Variants in MDGA2 observed in about 807,000 individuals in gnomAD.
MDGA2 encodes the protein MAM domain containing glycosylphosphatidylinositol anchor 2, also known as MAM domain-containing glycosylphosphatidylinositol anchor protein 2.
A neutral mutation model predicts 117.8 loss-of-function variants in MDGA2; 40 were observed. The observed-to-expected ratio is 0.34, with a 90% CI of 0.26 to 0.44. The LOEUF (loss-of-function observed/expected upper bound fraction) is 0.44, where lower values mean the gene tolerates loss of function less well. Ranked by LOEUF, MDGA2 falls within the 20% of genes least tolerant of loss-of-function variation. The probability of loss-of-function intolerance (pLI) is 1.00; values close to 1 mark genes in which losing one functional copy is unlikely to be tolerated. For missense variants in MDGA2, 1,123 were observed against 1,250.6 expected, an observed-to-expected ratio of 0.90 and a Z score of 1.54; for synonymous variants, 452 against 439.0, an observed-to-expected ratio of 1.03 and a Z score of -0.37.
intron 10 of MDGA2, among the ~76,000 whole-genome samples, chr14:46,898,807 C>T (rs1333738855): frequency 6.6e-6 from 1 of 151,932 alleles, no homozygotes. Flanking sequence ...AGACAACTGA[C>T]TAAGAACAAA....
intron 1 of MDGA2, among the ~76,000 whole-genome samples, chr14:47,436,961 C>T (rs949526552): frequency 5.9e-5 from 9 of 152,146 alleles, no homozygotes; most frequent in Admixed American, 6.5e-5. Context: ...CGTATACCTA[C>T]CACAGTACTT....
At chr14:47,629,165 T>C (rs1255463300) in intron 1 of MDGA2, among the ~76,000 whole-genome samples, 3 of 152,214 alleles carry the variant, frequency 2.0e-5, no homozygotes, top group Non-Finnish European at 4.4e-5. Context: ...TAGGGTTGTA[T>C]GTGAATAAAA....
At chr14:47,066,190 G>T (rs1362054739) in intron 6 of MDGA2, among the ~76,000 whole-genome samples, 2 of 152,136 alleles carry the variant, frequency 1.3e-5, no homozygotes, top group African/African-American at 2.4e-5. Context: ...TGAACACCTG[G>T]GGTTGGAGTG....
intron 14 of MDGA2, among the ~76,000 whole-genome samples, chr14:46,862,412 T>C (rs1364783608): frequency 6.7e-6 from 1 of 148,656 alleles, no homozygotes; most frequent in Non-Finnish European, 1.5e-5. Context: ...TATTATTTAA[T>C]ATATATTATA....
intron 1 of MDGA2, among the ~76,000 whole-genome samples, chr14:47,463,304 C>T (rs897149152): frequency 1.3e-5 from 2 of 152,226 alleles, no homozygotes; most frequent in East Asian, 1.9e-4. Flanking sequence ...TGCACCCAAA[C>T]ATATAGTGCA....
chr14:47,182,464 G>A (rs1157702404), intron 3 of MDGA2, among the ~76,000 whole-genome samples: 2 of 152,120 alleles, frequency 1.3e-5, no homozygotes, highest in Non-Finnish European at 2.9e-5. Flanking sequence ...GACACTAGGA[G>A]TGTGTGCACA....
At chr14:47,069,450 A>G (rs1166505131) in intron 6 of MDGA2, among the ~76,000 whole-genome samples, 2 of 152,200 alleles carry the variant, frequency 1.3e-5, no homozygotes, top group Non-Finnish European at 2.9e-5. Context: ...TTTGAGTTCT[A>G]TCATTTGAAC....
chr14:47,351,247 A>G (rs1392319106), intron 1 of MDGA2, among the ~76,000 whole-genome samples: 1 of 151,598 alleles, frequency 6.6e-6, no homozygotes, highest in Non-Finnish European at 1.5e-5. Context: ...ATGCCCCGCT[A>G]ATTTTTATAT....
chr14:47,032,920 A>G (rs1888713805), intron 8 of MDGA2, among the ~76,000 whole-genome samples: 1 of 152,208 alleles, frequency 6.6e-6, no homozygotes, highest in African/African-American at 2.4e-5. Context: ...CTTCCTGGGC[A>G]GGCCAGGGAA....
chr14:47,577,706 T>G (rs1321800546), intron 1 of MDGA2, among the ~76,000 whole-genome samples: 1 of 152,158 alleles, frequency 6.6e-6, no homozygotes, highest in Non-Finnish European at 1.5e-5. Flanking sequence ...CACTGATCAT[T>G]AGAGAAATGC....
chr14:46,894,748 C>T (rs1883012814), intron 10 of MDGA2, among the ~76,000 whole-genome samples: 1 of 152,056 alleles, frequency 6.6e-6, no homozygotes, highest in African/African-American at 2.4e-5. Context: ...TTTATTACTC[C>T]CATCTGTTAA....
At chr14:47,567,156 C>T (rs1317815816) in intron 1 of MDGA2, among the ~76,000 whole-genome samples, 2 of 152,014 alleles carry the variant, frequency 1.3e-5, no homozygotes, top group African/African-American at 2.4e-5. Context: ...CCACCTCAGC[C>T]TCCCAAAGTG....
intron 1 of MDGA2, among the ~76,000 whole-genome samples, chr14:47,619,582 A>G (rs953873191): frequency 1.3e-5 from 2 of 152,188 alleles, no homozygotes; most frequent in Admixed American, 1.3e-4. Flanking sequence ...TCGGATGGCA[A>G]ACATGGAATC....
intron 1 of MDGA2, among the ~76,000 whole-genome samples, chr14:47,383,583 G>A (rs1268823070): frequency 6.6e-6 from 1 of 152,096 alleles, no homozygotes; most frequent in Admixed American, 6.5e-5. Context: ...TTCTCGCCCA[G>A]GCTGGAGTGC....
At chr14:47,165,516 G>A (rs1256194363) in intron 3 of MDGA2, among the ~76,000 whole-genome samples, 5 of 152,148 alleles carry the variant, frequency 3.3e-5, no homozygotes, top group Non-Finnish European at 5.9e-5. Flanking sequence ...CTGTAGAGGT[G>A]ATGATAGAAG....
In MDGA2 at chr14:47,116,286, A is replaced by T. The variant is rs541829438; in HGVS notation, c.925+15428T>A. ...ACAGGGCACAAACAAATGAAAAGAC[A>T]TCACATTTTATGGATTGGAAGACTT... is the stretch of plus-strand genomic sequence containing the variant. On this transcript the variant is annotated intron_variant, in intron 5 of 16. Coordinates refer to ENST00000399232, the MANE Select transcript of MDGA2 (RefSeq NM_001113498.3). Among the ~76,000 whole-genome samples the T allele has an allele frequency of 2.6e-5, 4 of 152,246 alleles. No individual in the cohort carries two copies. In the South Asian group the frequency reaches 8.3e-4, roughly 32 times the overall value.
intron 1 of MDGA2, among the ~76,000 whole-genome samples, chr14:47,630,760 T>C (rs1293290487): frequency 6.6e-6 from 1 of 152,194 alleles, no homozygotes; most frequent in African/African-American, 2.4e-5. Flanking sequence ...ACTATCCCAA[T>C]GTCCTGAGTA....
intron 1 of MDGA2, among the ~76,000 whole-genome samples, chr14:47,639,359 A>G (rs1437058561): frequency 6.6e-6 from 1 of 152,162 alleles, no homozygotes; most frequent in Non-Finnish European, 1.5e-5. Flanking sequence ...TCACTCTCTG[A>G]AAAACTCTGT....
intron 8 of MDGA2, among the ~76,000 whole-genome samples, chr14:46,990,843 T>A (rs758258430): frequency 2.0e-5 from 3 of 146,816 alleles, no homozygotes; most frequent in Non-Finnish European, 3.0e-5. Flanking sequence ...AATAATCATA[T>A]ATGGATTAGA....
Sources: gnomAD v4.1 joint callset for allele counts (sites outside exome capture counted in the v4.1 genomes callset) on GRCh38, gnomAD v4.1.1 for gene constraint, MANE v1.5 for transcripts, NCBI Gene and HGNC (gene_info 2026-07-23, HGNC 2026-07-21) for gene names.